NRXN1: variants seen among roughly 807,000 people sequenced by gnomAD.
The protein encoded by NRXN1 is neurexin-1.
Under a neutral mutation model 150.9 loss-of-function variants are expected in NRXN1, and 39 were observed. The observed-to-expected ratio is 0.26, with a 90% CI of 0.20 to 0.34. The LOEUF (loss-of-function observed/expected upper bound fraction) is 0.34, where lower values mean the gene tolerates loss of function less well. Among genes scored for constraint, NRXN1 ranks in the 10% least tolerant of loss-of-function variants. The pLI, the probability that NRXN1 is intolerant of heterozygous loss-of-function variation, is 1.00. For synonymous variants in NRXN1, 924 were observed against 757.0 expected (o/e 1.22, Z -3.62); for missense variants, 1,815 against 1,949.9 (o/e 0.93, Z 1.30).
At chr2:50,577,395 A>C (rs964876403) in intron 8 of NRXN1, among the ~76,000 whole-genome samples, 19 of 152,018 alleles carry the variant, frequency 1.2e-4, no homozygotes, top group African/African-American at 4.6e-4. Flanking sequence ...TACTGGCAAA[A>C]GTATCTAATT....
chr2:50,928,722 T>C (rs1400511335), intron 2 of NRXN1, among the ~76,000 whole-genome samples: 1 of 152,048 alleles, frequency 6.6e-6, no homozygotes, highest in Non-Finnish European at 1.5e-5. Context: ...TAAAGCAGCA[T>C]ATTTTGGTTT....
chr2:50,442,079 A>G (rs2086002799), intron 17 of NRXN1, among the ~76,000 whole-genome samples: 1 of 152,142 alleles, frequency 6.6e-6, no homozygotes, highest in South Asian at 2.1e-4. Context: ...CATACTTTCT[A>G]TAGTGAACAT....
intron 22 of NRXN1, among the ~76,000 whole-genome samples, chr2:49,939,711 G>C (rs1412510908): frequency 6.6e-6 from 1 of 152,096 alleles, no homozygotes; most frequent in African/African-American, 2.4e-5. Context: ...TATTCTTTTT[G>C]TATAACTGAA....
At chr2:50,165,574 C>G (rs113529276) in intron 18 of NRXN1, among the ~76,000 whole-genome samples, 2,123 of 152,178 alleles carry the variant, frequency 0.014, 63 homozygotes, top group African/African-American at 0.049. Context: ...GTCTCCAACT[C>G]CTGACCTCAG....
At chr2:50,758,872 C>T (rs1006183606) in intron 5 of NRXN1, among the ~76,000 whole-genome samples, 15 of 151,882 alleles carry the variant, frequency 9.9e-5, no homozygotes, top group Non-Finnish European at 1.9e-4. Flanking sequence ...CTATCCAACA[C>T]GAGGATTCTT....
intron 5 of NRXN1, among the ~76,000 whole-genome samples, chr2:50,704,647 T>G (rs1183853826): frequency 6.6e-6 from 1 of 151,720 alleles, no homozygotes; most frequent in Non-Finnish European, 1.5e-5. Flanking sequence ...TATGTGTAAA[T>G]TTATGTTTTT....
At chr2:50,704,479 T>C (rs1222514363) in intron 5 of NRXN1, among the ~76,000 whole-genome samples, 1 of 151,932 alleles carries the variant, frequency 6.6e-6, no homozygotes, top group African/African-American at 2.4e-5. Flanking sequence ...GAGAGTTACT[T>C]TTCTAAAGCA....
chr2:50,218,796 T>C (rs2063581089), intron 18 of NRXN1, among the ~76,000 whole-genome samples: 1 of 151,990 alleles, frequency 6.6e-6, no homozygotes, highest in Non-Finnish European at 1.5e-5. Context: ...ATAGAAAAAC[T>C]TCAACTTTGT....
At chr2:50,503,366 T>G (rs2092053232) in intron 13 of NRXN1, among the ~76,000 whole-genome samples, 1 of 150,892 alleles carries the variant, frequency 6.6e-6, no homozygotes, top group Non-Finnish European at 1.5e-5. Flanking sequence ...AAAAAATAAT[T>G]GGAATGAAGG....
chr2:50,740,113 T>C (rs1381982450), intron 5 of NRXN1, among the ~76,000 whole-genome samples: 1 of 152,218 alleles, frequency 6.6e-6, no homozygotes, highest in Admixed American at 6.5e-5. Flanking sequence ...AATTGTGCTA[T>C]TGTTCCATCT....
At chr2:50,117,074 G>T (rs79647509) in intron 18 of NRXN1, among the ~76,000 whole-genome samples, 2,475 of 152,206 alleles carry the variant, frequency 0.016, 66 homozygotes, top group African/African-American at 0.057. Flanking sequence ...AAGCCTTGGG[G>T]ATAAAGGGAG....
At chr2:50,201,695 C>T (rs2062176217) in intron 18 of NRXN1, among the ~76,000 whole-genome samples, 1 of 152,166 alleles carries the variant, frequency 6.6e-6, no homozygotes, top group Non-Finnish European at 1.5e-5. Flanking sequence ...CATACACACG[C>T]ATTATCCTCA....
At chr2:50,421,553 T>C (rs141376368) in intron 17 of NRXN1, among the ~76,000 whole-genome samples, 3 of 152,150 alleles carry the variant, frequency 2.0e-5, no homozygotes, top group Non-Finnish European at 2.9e-5. Flanking sequence ...GCTGCATGTA[T>C]CTGATTTGCA....
At chr2:50,089,296 T>G (rs1230449030) in intron 19 of NRXN1, among the ~76,000 whole-genome samples, 1 of 152,222 alleles carries the variant, frequency 6.6e-6, no homozygotes, top group African/African-American at 2.4e-5. Context: ...ATTTATCATT[T>G]TGCACGTTCA....
intron 12 of NRXN1, 31 bp downstream of exon 12, chr2:50,528,594 A>G: frequency 7.8e-7 from 1 of 1,282,338 alleles, no homozygotes; most frequent in Non-Finnish European, 1.1e-6. Flanking sequence ...ATGGAGGAAT[A>G]ACATTTTAAA....
chr2:50,520,147 G>A (rs2092745956), intron 12 of NRXN1, among the ~76,000 whole-genome samples: 2 of 151,806 alleles, frequency 1.3e-5, no homozygotes, highest in African/African-American at 4.8e-5. Flanking sequence ...AAACTTTTCT[G>A]TGAAAATTGA....
chr2:50,116,618 A>G (rs1418850487), intron 18 of NRXN1, among the ~76,000 whole-genome samples: 5 of 152,074 alleles, frequency 3.3e-5, no homozygotes, highest in Admixed American at 3.3e-4. Context: ...ACATATACAG[A>G]TGTGGGGGTT....
chr2:50,715,296 C>T (rs146710966), intron 5 of NRXN1, among the ~76,000 whole-genome samples: 256 of 152,164 alleles, frequency 1.7e-3, no homozygotes, highest in African/African-American at 5.8e-3. Flanking sequence ...CATGGGATTT[C>T]GGGTTATCCC....
chr2:50,375,073 C>T (rs751990502), intron 17 of NRXN1, among the ~76,000 whole-genome samples: 3 of 152,100 alleles, frequency 2.0e-5, no homozygotes, highest in African/African-American at 4.8e-5. Flanking sequence ...TTGTTTATAT[C>T]TTAGTGAAAG....
Sources: gnomAD v4.1 joint callset for allele counts (sites outside exome capture counted in the v4.1 genomes callset) on GRCh38, gnomAD v4.1.1 for gene constraint, MANE v1.5 for transcripts, NCBI Gene and HGNC (gene_info 2026-07-23, HGNC 2026-07-21) for gene names.